CPLX1: variants seen among roughly 807,000 people sequenced by gnomAD.
CPLX1 encodes complexin 1.
A neutral mutation model predicts 15.6 loss-of-function variants in CPLX1; 6 were observed. That is an observed-to-expected ratio of 0.39 (90% CI 0.21 to 0.76). CPLX1 has a LOEUF of 0.76. Among genes scored for constraint, CPLX1 ranks in the 30% least tolerant of loss-of-function variants. CPLX1 has a pLI of 0.43. For synonymous variants in CPLX1, 91 were observed against 75.2 expected (o/e 1.21, Z -1.08); for missense variants, 242 against 188.6 (o/e 1.28, Z -1.66).
chr4:814,718 A>G (rs1746718057), intron 2 of CPLX1, among the ~76,000 whole-genome samples: 1 of 152,260 alleles, frequency 6.6e-6, no homozygotes. Context: ...GGAGGAACAC[A>G]AGGTTGGAGT....
chr4:818,607 C>A (rs1324819292), intron 2 of CPLX1, among the ~76,000 whole-genome samples: 6 of 152,282 alleles, frequency 3.9e-5, no homozygotes, highest in African/African-American at 1.4e-4. Context: ...CCCGTCCACA[C>A]CGCCGAGGCC....
intron 2 of CPLX1, among the ~76,000 whole-genome samples, chr4:800,014 C>A (rs571484510): frequency 1.3e-5 from 2 of 152,064 alleles, no homozygotes; most frequent in Non-Finnish European, 1.5e-5. Flanking sequence ...CCTGGACTTG[C>A]GACTGGTGGG....
In CPLX1 at chr4:800,847, A is replaced by ATG. The variant is rs754279208; in HGVS notation, c.32-8241_32-8240dup. Among the ~76,000 whole-genome samples the ATG allele has an allele frequency of 2.4e-3, 353 of 147,346 alleles. 2 individuals are homozygous for ATG. The Middle Eastern group carries it at 0.033, about 14-fold the overall frequency. The stretch of plus-strand genomic sequence containing the variant: ...TATATGTGTGTGTGTGTGTATATAT[A>ATG]TGTATATATATATATATATATTAGC... On this transcript the variant is annotated intron_variant, in intron 2 of 3. Transcript: ENST00000304062.
intron 2 of CPLX1, among the ~76,000 whole-genome samples, chr4:815,286 C>T (rs556517596): frequency 5.1e-4 from 77 of 151,930 alleles, no homozygotes; most frequent in Middle Eastern, 6.8e-3. Context: ...TGGCAGGTGC[C>T]TGTAATCCCA....
chr4:806,067 T>C (rs1746550722), intron 2 of CPLX1, among the ~76,000 whole-genome samples: 1 of 152,182 alleles, frequency 6.6e-6, no homozygotes, highest in South Asian at 2.1e-4. Context: ...TGCCACTGAA[T>C]TGTGCACTTA....
chr4:789,241 G>A (rs1325327267), intron 3 of CPLX1, among the ~76,000 whole-genome samples: 1 of 152,158 alleles, frequency 6.6e-6, no homozygotes, highest in Non-Finnish European at 1.5e-5. Flanking sequence ...AGAGACAAAC[G>A]CCCAGGCACA....
rs1387047879 is a variant in CPLX1, at chr4:786,437, G to A, written c.*64C>T. On this transcript the variant is annotated 3_prime_UTR_variant, in exon 4 of 4. Coordinates refer to ENST00000304062, the MANE Select transcript of CPLX1 (RefSeq NM_006651.4). ...GCTGCGCTCTGCTCGTCCCTCAGGGGCCTCCGCGGAGGATCTGTAGGGGGA... is the reference window on the plus strand; with the variant it reads ...GCTGCGCTCTGCTCGTCCCTCAGGGACCTCCGCGGAGGATCTGTAGGGGGA... 12 of 1,472,048 alleles carry A rather than the reference G, an allele frequency of 8.2e-6. No individual in the cohort carries two copies. The highest frequency in any genetic ancestry group is 4.3e-5 in the African/African-American group (3 of 70,426). 91.2% of individuals were successfully genotyped at this position (1,472,048 alleles called of 1,614,324 possible).
rs1317299934 is a variant in CPLX1 at position 807,160 on chromosome 4, T to C, written c.32-14552A>G. Among the ~76,000 whole-genome samples, 4 of 152,206 alleles carry C rather than the reference T, an allele frequency of 2.6e-5. No homozygotes were observed. In the East Asian group the frequency reaches 7.7e-4, roughly 29 times the overall value. On this transcript the variant is annotated intron_variant, in intron 2 of 3. Coordinates refer to ENST00000304062, the MANE Select transcript of CPLX1 (RefSeq NM_006651.4). ...TACACAGCCATAAAAAAGAATGAGA[T>C]CATGTCCTTTGCAGGGATAGGAATG...
At chr4:821,925 G>A (rs752756701) in intron 2 of CPLX1, among the ~76,000 whole-genome samples, 7 of 152,166 alleles carry the variant, frequency 4.6e-5, no homozygotes, top group Admixed American at 6.5e-5. Flanking sequence ...ATTTAACCAG[G>A]CCTGTCCCCC....
intron 2 of CPLX1, among the ~76,000 whole-genome samples, chr4:798,002 C>T (rs1746377714): frequency 6.6e-6 from 1 of 152,082 alleles, no homozygotes; most frequent in Non-Finnish European, 1.5e-5. Context: ...AGGCCAGGCA[C>T]AGTGGCTCAC....
intron 2 of CPLX1, among the ~76,000 whole-genome samples, chr4:820,571 C>T (rs1746842030): frequency 6.6e-6 from 1 of 152,176 alleles, no homozygotes; most frequent in Admixed American, 6.5e-5. Context: ...TGCTGAGCCC[C>T]ACTTTGGTGC....
At chr4:786,751 C>T (rs1441356339) in intron 3 of CPLX1, 53 bp from the exon 4 acceptor site, 7 of 1,534,720 alleles carry the variant, frequency 4.6e-6, no homozygotes, top group East Asian at 2.3e-5. Flanking sequence ...CCGGGCGGGC[C>T]GCAGCCTCCC....
intron 1 of CPLX1, chr4:824,968 G>A: frequency 2.8e-6 from 1 of 361,130 alleles, no homozygotes; most frequent in Non-Finnish European, 5.4e-6. Flanking sequence ...CGCCTCCGCG[G>A]TGGTCCCGAG....
At chr4:825,941 CG>C (rs1746977925) in intron 1 of CPLX1, 104 bp downstream of exon 1, 1 of 123,394 alleles carries the variant, frequency 8.1e-6, no homozygotes, top group East Asian at 2.5e-4. Flanking sequence ...CCGGGGCCGG[CG>C]GGAGAAGCGG....
chr4:822,214 C>G (rs1371177332), intron 2 of CPLX1, among the ~76,000 whole-genome samples: 1 of 151,418 alleles, frequency 6.6e-6, no homozygotes, highest in African/African-American at 2.4e-5. Flanking sequence ...ATCTCTATCT[C>G]TCTAACTCTC....
intron 2 of CPLX1, among the ~76,000 whole-genome samples, chr4:816,340 T>A (rs2152647861): frequency 6.6e-6 from 1 of 150,950 alleles, no homozygotes; most frequent in African/African-American, 2.4e-5. Context: ...TGCCTCAGTC[T>A]CCAGAGTAGC....
chr4:809,031 C>G (rs932821467), intron 2 of CPLX1, among the ~76,000 whole-genome samples: 1 of 152,278 alleles, frequency 6.6e-6, no homozygotes, highest in Admixed American at 6.5e-5. Flanking sequence ...GCAGGCCGGG[C>G]TCCAGCGAGA....
intron 3 of CPLX1, chr4:787,231 G>C: frequency 1.0e-6 from 1 of 985,388 alleles, no homozygotes; most frequent in South Asian, 4.7e-5. Flanking sequence ...TCCGTGGGCA[G>C]CCGGCAGAGG....
intron 2 of CPLX1, among the ~76,000 whole-genome samples, chr4:798,204 G>A (rs1746381409): frequency 6.6e-6 from 1 of 151,328 alleles, no homozygotes; most frequent in Admixed American, 6.6e-5. Flanking sequence ...GAACCCAAGA[G>A]GTGGAGGTTG....
Sources: gnomAD v4.1 joint callset for allele counts (sites outside exome capture counted in the v4.1 genomes callset) on GRCh38, gnomAD v4.1.1 for gene constraint, MANE v1.5 for transcripts, NCBI Gene and HGNC (gene_info 2026-07-23, HGNC 2026-07-21) for gene names.